Variants in BSDC1 observed in about 807,000 individuals in gnomAD.
BSDC1 encodes the protein BSD domain-containing protein 1.
In BSDC1, 29 loss-of-function variants were observed where a neutral mutation model predicts 56.0. The observed-to-expected ratio is 0.52, with a 90% CI of 0.39 to 0.71. The LOEUF (loss-of-function observed/expected upper bound fraction) is 0.71. Among genes scored for constraint, BSDC1 ranks in the 30% least tolerant of loss-of-function variants. The pLI is 0.00. For synonymous variants in BSDC1, 210 were observed against 215.3 expected (o/e 0.98, Z 0.21); for missense variants, 477 against 548.5 (o/e 0.87, Z 1.30).
rs56844563 is a variant in BSDC1, at chr1:32,388,606, G to C, written c.73-1711C>G. 8.8e-4 allele frequency among the ~76,000 whole-genome samples: 134 copies of C among 152,252 alleles called. 3 individuals carry two copies. The East Asian group carries it at 0.023, about 26-fold the overall frequency. Reference sequence around the variant, plus strand: ...TCTTTAAGTTTACACACTATCCTAAGAGCAAATTGAAAATCCACCTTTACT... The same window carrying C: ...TCTTTAAGTTTACACACTATCCTAACAGCAAATTGAAAATCCACCTTTACT... On this transcript the variant is annotated intron_variant, in intron 2 of 10. Coordinates refer to ENST00000455895, the MANE Select transcript of BSDC1 (RefSeq NM_018045.8).
chr1:32,383,765 A>G, intron 4 of BSDC1, 65 bp downstream of exon 4: 9 of 1,506,240 alleles, frequency 6.0e-6, no homozygotes, highest in Non-Finnish European at 8.3e-6. Context: ...TTGTGAGTAC[A>G]GGATGGAAGT....
At chr1:32,368,228 A>C in intron 10 of BSDC1, 1 of 1,468,634 alleles carries the variant, frequency 6.8e-7, no homozygotes, top group Non-Finnish European at 9.0e-7. Context: ...GCTAAGGTCA[A>C]GAACTTGACC....
rs151161807 is a variant in BSDC1 at position 32,385,443 on chromosome 1, C to A, written c.189+1336G>T. Reference sequence around the variant, plus strand: ...GAATCTAAAATTAGAAAACAACAAACAAGCCAGGCACGGTGGCTCATGCCT... The same window carrying A: ...GAATCTAAAATTAGAAAACAACAAAAAAGCCAGGCACGGTGGCTCATGCCT... On this transcript the variant is annotated intron_variant, in intron 3 of 10. Transcript: ENST00000455895. 5.2e-3 allele frequency among the ~76,000 whole-genome samples: 791 copies of A among 152,222 alleles called. 5 individuals are homozygous for A. The highest frequency in any genetic ancestry group is 0.018 in the African/African-American group (747 of 41,538).
At position 32,394,085 on chromosome 1, in the gene BSDC1, C is replaced by G. The variant is rs754321267; in HGVS notation, c.67G>C (p.Glu23Gln). Residue 23 changes from glutamate (E) to glutamine (Q), a missense_variant, in exon 2 of 11, where the codon GAG (glutamate) becomes CAG (glutamine). Transcript: ENST00000455895. ...AGGGCACGGGCCCGGCTTACCTTCT[C>G]TTTGACTGCTTGGTAGCTCTGCTGC... ...WLQQSYQAVKEKSSEALEFMK... is the reference protein window; with the variant it reads ...WLQQSYQAVKQKSSEALEFMK... 1 of 1,608,982 alleles carries G rather than the reference C, an allele frequency of 6.2e-7. No homozygotes were observed. The highest frequency in any genetic ancestry group is 1.7e-5 in the Admixed American group (1 of 59,436).
In BSDC1 at chr1:32,367,968, G is replaced by A. The variant is rs754061436; in HGVS notation, c.1260+479C>T. 11 of 1,085,846 alleles carry A rather than the reference G, an allele frequency of 1.0e-5. No individual in the cohort carries two copies. In the East Asian group the frequency reaches 6.5e-4, roughly 65 times the overall value. The allele number at this position is 1,085,846 out of a possible 1,614,324, so 67.3% of individuals were successfully genotyped here. ...TCTCCAAGGCCAAGTATATACTCAG[G>A]CCTCATACCTGAGGACCACAACTCA... On this transcript the variant is annotated intron_variant, in intron 10 of 10. Coordinates refer to ENST00000455895, the MANE Select transcript of BSDC1 (RefSeq NM_018045.8).
chr1:32,380,240 C>A (rs1642434774), intron 5 of BSDC1, among the ~76,000 whole-genome samples: 1 of 152,204 alleles, frequency 6.6e-6, no homozygotes, highest in Non-Finnish European at 1.5e-5. Context: ...ACCCTTTAAC[C>A]CGGCGTTACT....
intron 10 of BSDC1, chr1:32,366,995 A>G (rs1278508276): frequency 8.5e-6 from 9 of 1,061,588 alleles, no homozygotes; most frequent in Middle Eastern, 4.2e-4. Flanking sequence ...AGATAATGCC[A>G]TGGCTCTGAG....
intron 9 of BSDC1, among the ~76,000 whole-genome samples, chr1:32,376,033 T>C (rs1642267415): frequency 6.6e-6 from 1 of 152,250 alleles, no homozygotes; most frequent in Admixed American, 6.5e-5. Flanking sequence ...AAACTTGTTT[T>C]GTTGACTCTT....
At position 32,383,825 on chromosome 1, in the gene BSDC1, A is replaced by ATC; in HGVS notation, c.357+4_357+5insGA. 1 of 1,612,058 alleles carries ATC rather than the reference A, an allele frequency of 6.2e-7. No homozygotes were observed. Among genetic ancestry groups the ATC allele is most frequent in the Non-Finnish European group, 8.5e-7 (1 of 1,179,864 alleles). On this transcript the variant is annotated splice_donor_region_variant and intron_variant, in intron 4 of 10. Coordinates refer to ENST00000455895, the MANE Select transcript of BSDC1 (RefSeq NM_018045.8). Reference sequence around the variant, plus strand: ...GCATCTGCAGGGGAGACTGTCAGTGAATACCTTGGTGCCATCATAGGGCTC... The same window carrying ATC: ...GCATCTGCAGGGGAGACTGTCAGTGATCATACCTTGGTGCCATCATAGGGCTC...
Position 32,378,327 on chromosome 1 carries a change from T to C in BSDC1, c.529-44A>G. On this transcript the variant is annotated intron_variant, in intron 6 of 10. Coordinates refer to ENST00000455895, the MANE Select transcript of BSDC1 (RefSeq NM_018045.8). The surrounding 1 kb of genome is among the most constrained non-coding windows in gnomAD (Gnocchi z 5.2). The stretch of plus-strand genomic sequence containing the variant: ...GGAGGTGAGACTTTGGGAGTGTTTG[T>C]GTGGGGTCTGTGTCCCCAGCCTTAT... 2 of 1,573,742 alleles carry C rather than the reference T, an allele frequency of 1.3e-6. No individual in the cohort carries two copies. The highest frequency in any genetic ancestry group is 2.2e-5 in the South Asian group (2 of 90,134).
intron 10 of BSDC1, chr1:32,367,779 G>A (rs1411162003): frequency 3.3e-6 from 3 of 904,896 alleles, no homozygotes; most frequent in Non-Finnish European, 4.0e-6. Flanking sequence ...TGTCTCCTGA[G>A]TGCTGGTCAC....
At position 32,378,757 on chromosome 1, in the gene BSDC1, G is replaced by C; in HGVS notation, c.495C>G (p.Gly165=). 1 of 1,542,120 alleles carries C rather than the reference G, an allele frequency of 6.5e-7. No individual in the cohort carries two copies. The change falls in exon 6 of 11, where the codon GGC becomes GGG. Residue 165 remains glycine, a synonymous_variant. Transcript: ENST00000455895. This position sits in a 1 kb window ranked among gnomAD's most constrained non-coding sequence, Gnocchi z 5.2. ...TGTAGAGGGCCCGGATGGAGGGGCTGCCTACAAGGAGCTCTGAGATCTCCC... is the reference window on the plus strand; with the variant it reads ...TGTAGAGGGCCCGGATGGAGGGGCTCCCTACAAGGAGCTCTGAGATCTCCC... ...KKGEISELLV[G]SPSIRALYTK...
chr1:32,376,911 A>G (rs751068652), intron 8 of BSDC1, among the ~76,000 whole-genome samples, 170 bp from the exon 9 acceptor site: 5 of 152,084 alleles, frequency 3.3e-5, no homozygotes, highest in Non-Finnish European at 5.9e-5. Flanking sequence ...CGGGTGGATC[A>G]CCTGAGGTCA....
At chr1:32,371,656 C>A (rs560892451) in intron 9 of BSDC1, among the ~76,000 whole-genome samples, 30 of 151,952 alleles carry the variant, frequency 2.0e-4, no homozygotes, top group African/African-American at 7.0e-4. Flanking sequence ...GGTCCCTGAT[C>A]CTCCAACGGC....
At chr1:32,380,462 A>G (rs1642442102) in intron 5 of BSDC1, among the ~76,000 whole-genome samples, 1 of 152,148 alleles carries the variant, frequency 6.6e-6, no homozygotes, top group Admixed American at 6.5e-5. Context: ...CCTGACCAAC[A>G]TGGTGAAACC....
chr1:32,367,021 G>A, intron 10 of BSDC1: 2 of 1,027,870 alleles, frequency 1.9e-6, no homozygotes, highest in Non-Finnish European at 2.3e-6. Flanking sequence ...GAGAACTCAG[G>A]AGGCCTGAGC....
chr1:32,381,365 C>T, intron 4 of BSDC1, 97 bp from the exon 5 acceptor site: 1 of 1,239,870 alleles, frequency 8.1e-7, no homozygotes, highest in Non-Finnish European at 1.2e-6. Flanking sequence ...CACAATCCAG[C>T]TTCTCCCTTG....
intron 3 of BSDC1, 50 bp from the exon 4 acceptor site, chr1:32,384,047 A>G (rs983704313): frequency 6.2e-7 from 1 of 1,611,692 alleles, no homozygotes; most frequent in Admixed American, 1.7e-5. Flanking sequence ...ACAGGCTGCA[A>G]TCTGGGGTAT....
At chr1:32,371,939 G>T (rs747479620) in intron 9 of BSDC1, among the ~76,000 whole-genome samples, 3 of 152,226 alleles carry the variant, frequency 2.0e-5, no homozygotes, top group African/African-American at 7.2e-5. Flanking sequence ...CTGGAGAAGC[G>T]TATTAAAATA....
Sources: gnomAD v4.1 joint callset for allele counts (sites outside exome capture counted in the v4.1 genomes callset) on GRCh38, gnomAD v4.1.1 for gene constraint, Gnocchi (gnomAD v3.1) non-coding constraint, MANE v1.5 for transcripts, NCBI Gene and HGNC (gene_info 2026-07-23, HGNC 2026-07-21) for gene names.